The following SPTBN1 variants were observed in gnomAD, a reference collection of about 807,000 sequenced individuals.
SPTBN1 encodes the protein spectrin beta chain, non-erythrocytic 1.
SPTBN1 carries 32 observed loss-of-function variants against 266.4 expected under a neutral mutation model. The observed-to-expected ratio is 0.12, with a 90% CI of 0.09 to 0.16. The LOEUF is 0.16. Ranked by LOEUF, SPTBN1 falls within the 10% of genes least tolerant of loss-of-function variation. The pLI is 1.00. For synonymous variants in SPTBN1, 1,336 were observed against 1,162.2 expected (o/e 1.15, Z -3.04); for missense variants, 2,296 against 3,067.1 (o/e 0.75, Z 5.94).
Position 54,664,354 on chromosome 2 carries a change from A to G in SPTBN1, c.6421-99A>G. ...TTACTGTACTGCCTCGATCTGTGCCAGGCATTTATACACAGCCACATGTGC... is the reference window on the plus strand; with the variant it reads ...TTACTGTACTGCCTCGATCTGTGCCGGGCATTTATACACAGCCACATGTGC... On this transcript the variant is annotated intron_variant, in intron 32 of 35. Coordinates refer to ENST00000356805, the MANE Select transcript of SPTBN1 (RefSeq NM_003128.3). The surrounding 1 kb of genome is among the most constrained non-coding windows in gnomAD (Gnocchi z 5.6). The G allele has an allele frequency of 8.2e-7, 1 of 1,226,584 alleles. No individual in the cohort carries two copies. The highest frequency in any genetic ancestry group is 1.5e-5 in the African/African-American group (1 of 66,918). 76.0% of individuals were successfully genotyped at this position (1,226,584 alleles called of 1,614,324 possible). A position where few individuals can be genotyped will look rare whatever the true frequency, so the allele number is the denominator to read the frequency against.
intron 1 of SPTBN1, among the ~76,000 whole-genome samples, chr2:54,482,232 C>T (rs1214992546): frequency 2.0e-5 from 3 of 151,970 alleles, no homozygotes; most frequent in South Asian, 2.1e-4. Context: ...ATGCAGGTGT[C>T]AGCCGGGCAT....
At chr2:54,602,177 A>G (rs148228746) in intron 3 of SPTBN1, among the ~76,000 whole-genome samples, 66 of 152,344 alleles carry the variant, frequency 4.3e-4, no homozygotes, top group African/African-American at 1.3e-3. Context: ...ACTATAGTCT[A>G]TAACTCTCCA....
intron 1 of SPTBN1, among the ~76,000 whole-genome samples, chr2:54,465,641 T>TATATATATATATAA (rs1693594822): frequency 1.3e-4 from 4 of 30,968 alleles, no homozygotes; most frequent in African/African-American, 3.3e-4. Context: ...GTTTATCTCA[T>TATATATATATATAA]ATATATATAT....
rs565148928 is a variant in SPTBN1, at chr2:54,515,525, A to ATTAT, written c.-47-10828_-47-10825dup. Among the ~76,000 whole-genome samples the ATTAT allele has an allele frequency of 3.6e-3, 543 of 151,074 alleles. 4 individuals carry two copies. Among genetic ancestry groups the ATTAT allele is most frequent in the African/African-American group, 9.4e-3 (385 of 41,128 alleles). ...CCATCCCTTATCAGGAATTTTTTAG[A>ATTAT]TTATTTATTTATTTATTTATTTTTG... On this transcript the variant is annotated intron_variant, in intron 1 of 35. Transcript: ENST00000356805.
At position 54,671,326 on chromosome 2, in the gene SPTBN1, T is replaced by C. The variant is rs971265677; in HGVS notation, c.*2757T>C. 2 of 152,300 alleles carry C rather than the reference T, an allele frequency of 1.3e-5. No homozygotes were observed. The highest frequency in any genetic ancestry group is 4.8e-5 in the African/African-American group (2 of 41,456). The allele number at this position is 152,300 out of a possible 1,614,324, so 9.4% of individuals were successfully genotyped here. ...GTATCAGACTGGGTGATGGGCACATTGTCATTTCACCAAGTTCCTGGAACT... is the reference window on the plus strand; with the variant it reads ...GTATCAGACTGGGTGATGGGCACATCGTCATTTCACCAAGTTCCTGGAACT... On this transcript the variant is annotated 3_prime_UTR_variant, in exon 36 of 36. Coordinates refer to ENST00000356805, the MANE Select transcript of SPTBN1 (RefSeq NM_003128.3).
intron 1 of SPTBN1, among the ~76,000 whole-genome samples, chr2:54,497,269 T>G (rs924058312): frequency 2.0e-5 from 3 of 152,244 alleles, no homozygotes; most frequent in Non-Finnish European, 2.9e-5. Context: ...TTAATACATT[T>G]TGTTACAGGT....
At chr2:54,667,544 T>C in intron 34 of SPTBN1, 60 bp from the exon 35 acceptor site, 2 of 1,520,270 alleles carry the variant, frequency 1.3e-6, no homozygotes, top group East Asian at 4.5e-5. Context: ...ATATGGGAGT[T>C]GGGGGATTTT....
At chr2:54,621,881 A>G (rs555547408) in intron 8 of SPTBN1, among the ~76,000 whole-genome samples, 24 of 152,316 alleles carry the variant, frequency 1.6e-4, no homozygotes, top group Non-Finnish European at 2.9e-4. Flanking sequence ...TTCACCTGCC[A>G]TGTTTTCAAA....
chr2:54,541,535 G>A (rs1233142928), intron 2 of SPTBN1, among the ~76,000 whole-genome samples: 3 of 152,156 alleles, frequency 2.0e-5, no homozygotes, highest in African/African-American at 4.8e-5. Context: ...TTAATCAGTC[G>A]TAATCTTCAG....
In SPTBN1 at chr2:54,631,546, C is replaced by A; in HGVS notation, c.3499C>A (p.Gln1167Lys). Residue 1167 changes from glutamine (Q) to lysine (K), a missense_variant, in exon 16 of 36, where the codon CAG becomes AAG. Physicochemically the swap from Gln to Lys is moderately conservative, Grantham distance 53. Coordinates refer to ENST00000356805, the MANE Select transcript of SPTBN1 (RefSeq NM_003128.3). ...MWENRQNLLS[Q>K]SHAYQQFLRD... ...GGAGAACAGACAAAATCTCCTATCC[C>A]AGTCACATGCCTACCAGCAGTTCCT... 6.2e-7 allele frequency: 1 copy of A among 1,614,164 alleles called. No homozygotes were observed. The highest frequency in any genetic ancestry group is 8.5e-7 in the Non-Finnish European group (1 of 1,180,048).
intron 1 of SPTBN1, among the ~76,000 whole-genome samples, chr2:54,488,335 G>C (rs1021482024): frequency 3.3e-5 from 5 of 152,160 alleles, no homozygotes; most frequent in African/African-American, 1.2e-4. Context: ...ACGAGACCAA[G>C]GACCTTTCGG....
At chr2:54,467,732 CTT>C (rs1693713536) in intron 1 of SPTBN1, among the ~76,000 whole-genome samples, 1 of 151,554 alleles carries the variant, frequency 6.6e-6, no homozygotes, top group African/African-American at 2.4e-5. Flanking sequence ...TTAAAATAGT[CTT>C]TGTATTTTTA....
At chr2:54,586,147 G>T (rs910786802) in intron 2 of SPTBN1, among the ~76,000 whole-genome samples, 31 of 152,316 alleles carry the variant, frequency 2.0e-4, no homozygotes, top group Non-Finnish European at 3.5e-4. Context: ...GTGGTTTGGA[G>T]ACGACTTTAC....
Position 54,593,823 on chromosome 2 carries a change from CTTTTTTTTTTT to C in SPTBN1, c.149-5252_149-5242del, listed in dbSNP as rs374877354. Among the ~76,000 whole-genome samples, 17 of 64,782 alleles carry C rather than the reference CTTTTTTTTTTT, an allele frequency of 2.6e-4. 1 individual carries two copies. Among genetic ancestry groups the C allele is most frequent in the East Asian group, 1.1e-3 (2 of 1,846 alleles). The allele number at this position is 64,782 out of a possible 152,430, so 42.5% of individuals were successfully genotyped here. ...TTCTAAGTCTTGTATCATGGAAACA[CTTTTTTTTTTT>C]TTTTTTTTTTTTTTTTGAGACAGAG... On this transcript the variant is annotated intron_variant, in intron 2 of 35. Transcript: ENST00000356805.
At chr2:54,633,560 G>T (rs1022979619) in intron 17 of SPTBN1, among the ~76,000 whole-genome samples, 4 of 152,210 alleles carry the variant, frequency 2.6e-5, no homozygotes, top group African/African-American at 9.7e-5. Context: ...GGTTGGGGCA[G>T]ATCAGGGGTT....
At chr2:54,472,769 C>G (rs1432292271) in intron 1 of SPTBN1, among the ~76,000 whole-genome samples, 1 of 152,032 alleles carries the variant, frequency 6.6e-6, no homozygotes, top group African/African-American at 2.4e-5. Flanking sequence ...CTGAATATGA[C>G]ATTTTTAAAA....
intron 2 of SPTBN1, chr2:54,529,236 C>T (rs1307034357): frequency 1.1e-5 from 4 of 371,660 alleles, no homozygotes; most frequent in Non-Finnish European, 2.1e-5. Context: ...AGTCCCCTTC[C>T]TTCGGTGTTT....
intron 2 of SPTBN1, among the ~76,000 whole-genome samples, chr2:54,574,308 A>G (rs1674306898): frequency 6.6e-6 from 1 of 152,148 alleles, no homozygotes; most frequent in Non-Finnish European, 1.5e-5. Flanking sequence ...CGGCCTTTGC[A>G]CCTGGCTGTT....
chr2:54,509,388 G>A (rs1180943157), intron 1 of SPTBN1, among the ~76,000 whole-genome samples: 2 of 152,202 alleles, frequency 1.3e-5, no homozygotes, highest in Non-Finnish European at 2.9e-5. Flanking sequence ...TATGCATCAG[G>A]TGTGAGGAAG....
Sources: allele counts gnomAD v4.1 joint callset (sites outside exome capture counted in the v4.1 genomes callset), GRCh38; gene constraint gnomAD v4.1.1; non-coding constraint Gnocchi (gnomAD v3.1); transcripts MANE v1.5; gene names NCBI Gene and HGNC (gene_info 2026-07-23, HGNC 2026-07-21).